EEFSEC: variants seen among roughly 807,000 people sequenced by gnomAD.
EEFSEC encodes eukaryotic elongation factor, selenocysteine-tRNA specific.
A neutral mutation model predicts 42.1 loss-of-function variants in EEFSEC; 43 were observed. That is an observed-to-expected ratio of 1.02 (90% CI 0.80 to 1.32). EEFSEC has a LOEUF of 1.32. Among genes scored for constraint, EEFSEC ranks in the 40% most tolerant of loss-of-function variants. EEFSEC has a pLI of 0.00. For missense variants in EEFSEC, 745 were observed against 803.6 expected (o/e 0.93, Z 0.88); for synonymous variants, 354 against 339.1 (o/e 1.04, Z -0.48).
chr3:128,345,321 A>T (rs891676524), intron 5 of EEFSEC, among the ~76,000 whole-genome samples: 4 of 152,096 alleles, frequency 2.6e-5, no homozygotes, highest in African/African-American at 9.7e-5. Context: ...GGACTCCATT[A>T]TTTCTCTTTG....
intron 6 of EEFSEC, among the ~76,000 whole-genome samples, chr3:128,360,334 C>T (rs2067509065): frequency 6.6e-6 from 1 of 152,222 alleles, no homozygotes; most frequent in Admixed American, 6.5e-5. Context: ...ACCTCAGTCC[C>T]CAAGGGCCTC....
At chr3:128,154,022 C>G (rs1451713477) in intron 1 of EEFSEC, 199 bp downstream of exon 1, 1 of 673,094 alleles carries the variant, frequency 1.5e-6, no homozygotes, top group East Asian at 3.5e-5. Context: ...TTCAGCTTTT[C>G]CCATCCAGCA....
intron 5 of EEFSEC, among the ~76,000 whole-genome samples, chr3:128,353,147 A>G (rs59849952): frequency 0.12 from 17,793 of 152,284 alleles, 2,501 homozygotes; most frequent in African/African-American, 0.34. Context: ...AAATAACTTT[A>G]AATGAAGCAA....
chr3:128,273,593 C>T (rs1166693272), intron 4 of EEFSEC, among the ~76,000 whole-genome samples: 1 of 152,226 alleles, frequency 6.6e-6, no homozygotes. Context: ...CTTCCAGAAG[C>T]GGATGACTGG....
intron 1 of EEFSEC, among the ~76,000 whole-genome samples, chr3:128,183,476 T>C (rs1028041969): frequency 5.3e-5 from 8 of 152,218 alleles, no homozygotes; most frequent in African/African-American, 1.9e-4. Flanking sequence ...TGGTGACACT[T>C]AAGCTCTTTT....
chr3:128,374,679 T>TA (rs57762360), intron 6 of EEFSEC, among the ~76,000 whole-genome samples: 10,619 of 152,036 alleles, frequency 0.07, 687 homozygotes, highest in African/African-American at 0.17. Flanking sequence ...TAGAAATTGT[T>TA]AAAAAAAATG....
At chr3:128,180,187 A>G (rs1359821554) in intron 1 of EEFSEC, among the ~76,000 whole-genome samples, 2 of 152,226 alleles carry the variant, frequency 1.3e-5, no homozygotes, top group African/African-American at 4.8e-5. Flanking sequence ...TGCTCAAAAC[A>G]CATGAAGTTG....
At chr3:128,375,764 A>G (rs911105501) in intron 6 of EEFSEC, among the ~76,000 whole-genome samples, 1 of 151,918 alleles carries the variant, frequency 6.6e-6, no homozygotes. Flanking sequence ...GTGGCTCCAC[A>G]CTCATTCCAC....
At chr3:128,211,091 G>T (rs1165097787) in intron 1 of EEFSEC, among the ~76,000 whole-genome samples, 1 of 152,126 alleles carries the variant, frequency 6.6e-6, no homozygotes, top group Non-Finnish European at 1.5e-5. Flanking sequence ...GCAAAACAGG[G>T]TTAATAATAT....
chr3:128,364,382 C>T (rs1044167619), intron 6 of EEFSEC, among the ~76,000 whole-genome samples: 1 of 152,132 alleles, frequency 6.6e-6, no homozygotes, highest in South Asian at 2.1e-4. Context: ...GAGCAAGCTT[C>T]CTGGAGGAGT....
At chr3:128,366,146 A>G (rs1172572187) in intron 6 of EEFSEC, among the ~76,000 whole-genome samples, 1 of 152,240 alleles carries the variant, frequency 6.6e-6, no homozygotes. Context: ...AGTTGGGGAC[A>G]CACCCCTTCA....
chr3:128,170,981 C>A (rs1334425459), intron 1 of EEFSEC, among the ~76,000 whole-genome samples: 1 of 152,196 alleles, frequency 6.6e-6, no homozygotes, highest in Non-Finnish European at 1.5e-5. Flanking sequence ...CTTTAGCAAG[C>A]ACTCTGGTAA....
intron 1 of EEFSEC, among the ~76,000 whole-genome samples, chr3:128,202,780 G>T (rs1286261291): frequency 6.6e-6 from 1 of 152,164 alleles, no homozygotes; most frequent in Non-Finnish European, 1.5e-5. Context: ...TATGGTGTTA[G>T]CTGTGGGTTT....
At chr3:128,166,427 A>G (rs1337954440) in intron 1 of EEFSEC, among the ~76,000 whole-genome samples, 1 of 152,100 alleles carries the variant, frequency 6.6e-6, no homozygotes, top group Non-Finnish European at 1.5e-5. Context: ...GTAACTAAAG[A>G]CTGAAATTTT....
At chr3:128,222,432 T>C (rs558125298) in intron 1 of EEFSEC, among the ~76,000 whole-genome samples, 1 of 152,370 alleles carries the variant, frequency 6.6e-6, no homozygotes, top group African/African-American at 2.4e-5. Flanking sequence ...GTTAACCTGT[T>C]ACTCGGGTTA....
chr3:128,240,245 G>A (rs1419259719), intron 1 of EEFSEC, among the ~76,000 whole-genome samples: 1 of 152,220 alleles, frequency 6.6e-6, no homozygotes, highest in Non-Finnish European at 1.5e-5. Context: ...GTTCGACCAA[G>A]AGTGATGGGG....
At chr3:128,350,330 G>A (rs935535934) in intron 5 of EEFSEC, among the ~76,000 whole-genome samples, 4 of 152,202 alleles carry the variant, frequency 2.6e-5, no homozygotes, top group Admixed American at 6.5e-5. Context: ...GGGCCCTAGC[G>A]GGTCAGCTGC....
At chr3:128,400,980 C>G (rs993075395) in intron 6 of EEFSEC, among the ~76,000 whole-genome samples, 2 of 152,184 alleles carry the variant, frequency 1.3e-5, no homozygotes, top group Non-Finnish European at 2.9e-5. Context: ...TGGCCGCCCG[C>G]CCCCACTGCA....
At chr3:128,279,078 C>T (rs2066497345) in intron 4 of EEFSEC, among the ~76,000 whole-genome samples, 1 of 152,136 alleles carries the variant, frequency 6.6e-6, no homozygotes, top group African/African-American at 2.4e-5. Context: ...AATGGTGGGG[C>T]AGGGAGGGAA....
Sources: gnomAD v4.1 joint callset for allele counts (sites outside exome capture counted in the v4.1 genomes callset) on GRCh38, gnomAD v4.1.1 for gene constraint, MANE v1.5 for transcripts, NCBI Gene and HGNC (gene_info 2026-07-23, HGNC 2026-07-21) for gene names.